PIP4P1: variants seen among roughly 807,000 people sequenced by gnomAD.
PIP4P1 encodes the protein phosphatidylinositol-4,5-bisphosphate 4-phosphatase 1, also known as type 1 phosphatidylinositol 4,5-bisphosphate 4-phosphatase.
PIP4P1 carries 14 observed loss-of-function variants against 32.3 expected under a neutral mutation model. The observed-to-expected ratio is 0.43, with a 90% CI of 0.29 to 0.68. PIP4P1 has a LOEUF of 0.68. Among genes scored for constraint, PIP4P1 ranks in the 30% least tolerant of loss-of-function variants. The pLI is 0.15. For synonymous variants in PIP4P1, 132 were observed against 137.9 expected (o/e 0.96, Z 0.30); for missense variants, 289 against 364.5 (o/e 0.79, Z 1.69).
intron 4 of PIP4P1, 91 bp from the exon 5 acceptor site, chr14:20,459,531 A>G: frequency 6.3e-7 from 1 of 1,582,600 alleles, no homozygotes; most frequent in African/African-American, 1.3e-5. Flanking sequence ...TTCCCATAGG[A>G]CAGACCTTTC....
At chr14:20,459,910 G>C in intron 3 of PIP4P1, 177 bp from the exon 4 acceptor site, 1 of 628,748 alleles carries the variant, frequency 1.6e-6, no homozygotes, top group Non-Finnish European at 2.8e-6. Flanking sequence ...CCTTGAGAAA[G>C]AAAGAGCACT....
At chr14:20,460,465 A>C (rs1215148702) in intron 2 of PIP4P1, 167 bp from the exon 3 acceptor site, 28 of 745,004 alleles carry the variant, frequency 3.8e-5, no homozygotes, top group Non-Finnish European at 5.8e-5. Flanking sequence ...CTAGGTGTAA[A>C]AGTGAGAGAA....
In PIP4P1 at chr14:20,460,829, G is replaced by A. The variant is rs748606885; in HGVS notation, c.159C>T (p.Pro53=). 2 of 1,555,110 alleles carry A rather than the reference G, an allele frequency of 1.3e-6. No homozygotes were observed. Among genetic ancestry groups the A allele is most frequent in the Non-Finnish European group, 1.7e-6 (2 of 1,154,042 alleles). The change falls in exon 2 of 7, where the codon CCC becomes CCT. Residue 53 remains proline (P), a synonymous_variant. Transcript: ENST00000250489. ...PPYGAAFPPF[P]EGHPAVLPGE... ...CAGGCAACACGGCTGGATGCCCCTC[G>A]GGAAACGGGGGAAATGCTGGAGAGG... is the stretch of plus-strand genomic sequence containing the variant.
In PIP4P1 at chr14:20,457,728, G is replaced by GT; in HGVS notation, c.*830dup. 2 of 626,582 alleles carry GT rather than the reference G, an allele frequency of 3.2e-6. No individual in the cohort carries two copies. The highest frequency in any genetic ancestry group is 2.0e-5 in the South Asian group (1 of 50,370). The allele number at this position is 626,582 out of a possible 1,614,324, so 38.8% of individuals were successfully genotyped here. On this transcript the variant is annotated 3_prime_UTR_variant, in exon 7 of 7. Transcript: ENST00000250489. ...TTGAACAAAGACTACTAATGACTTT[G>GT]TTTGAATTATCCACATGAAAATAAA... is the stretch of plus-strand genomic sequence containing the variant.
Position 20,460,813 on chromosome 14 carries a change from C to A in PIP4P1, c.175G>T (p.Val59Leu). 2 of 1,572,588 alleles carry A rather than the reference C, an allele frequency of 1.3e-6. No homozygotes were observed. Among genetic ancestry groups the A allele is most frequent in the South Asian group, 2.4e-5 (2 of 84,840 alleles). ...FPPFPEGHPA[V>L]LPGEDPPPYS... ...GGGGGTGGGTCCTCCCCAGGCAACA[C>A]GGCTGGATGCCCCTCGGGAAACGGG... is the stretch of plus-strand genomic sequence containing the variant. The change falls in exon 2 of 7, where the codon GTG becomes TTG. Residue 59 changes from valine to leucine, a missense_variant. Val to Leu is a conservative substitution (Grantham distance 32). Coordinates refer to ENST00000250489, the MANE Select transcript of PIP4P1 (RefSeq NM_144568.4).
Position 20,461,407 on chromosome 14 carries a change from C to G in PIP4P1, c.-82G>C. 3 of 1,215,660 alleles carry G rather than the reference C, an allele frequency of 2.5e-6. No homozygotes were observed. The highest frequency in any genetic ancestry group is 3.1e-6 in the Non-Finnish European group (3 of 972,958). The allele number at this position is 1,215,660 out of a possible 1,614,324, so 75.3% of individuals were successfully genotyped here. A position where few individuals can be genotyped will look rare whatever the true frequency, so the allele number is the denominator to read the frequency against. The stretch of plus-strand genomic sequence containing the variant: ...GTCGCCGCAGCCACCGCCACCGCCG[C>G]CACCGCCACCGCCGCTACCGGGTCC... On this transcript the variant is annotated 5_prime_UTR_variant, in exon 1 of 7. Coordinates refer to ENST00000250489, the MANE Select transcript of PIP4P1 (RefSeq NM_144568.4).
chr14:20,459,576 G>A (rs1019482557), intron 4 of PIP4P1, 52 bp downstream of exon 4: 51 of 1,579,876 alleles, frequency 3.2e-5, no homozygotes, highest in Non-Finnish European at 3.9e-5. Flanking sequence ...AAATATACTC[G>A]AAATGACTCT....
intron 1 of PIP4P1, 72 bp from the exon 2 acceptor site, chr14:20,460,917 CCTT>C: frequency 3.4e-6 from 5 of 1,462,054 alleles, no homozygotes; most frequent in Non-Finnish European, 4.5e-6. Context: ...GTAGGGAAGT[CCTT>C]CTGATCTTCA....
chr14:20,457,854 A>G lies in PIP4P1; in HGVS notation c.*705T>C. 1 of 383,112 alleles carries G rather than the reference A, an allele frequency of 2.6e-6. No homozygotes were observed. Among genetic ancestry groups the G allele is most frequent in the South Asian group, 2.2e-5 (1 of 45,232 alleles). The allele number at this position is 383,112 out of a possible 1,614,324, so 23.7% of individuals were successfully genotyped here. ...ATGCACACAAGTTAACAACTGAAAA[A>G]GCGTAGAGTCATGACCTTATTTATT... On this transcript the variant is annotated 3_prime_UTR_variant, in exon 7 of 7. Coordinates refer to ENST00000250489, the MANE Select transcript of PIP4P1 (RefSeq NM_144568.4).
rs752961119 is a variant in PIP4P1 at position 20,458,737 on chromosome 14, T to C, written c.691-35A>G. On this transcript the variant is annotated intron_variant, in intron 6 of 6. Coordinates refer to ENST00000250489, the MANE Select transcript of PIP4P1 (RefSeq NM_144568.4). ...ATAAGGAGGGAGAAGAAAAGAAAGA[T>C]GGGGTTAATGTTGGTCTCCACTACC... 6.9e-6 allele frequency: 11 copies of C among 1,596,152 alleles called. No homozygotes were observed. The Admixed American group carries it at 8.7e-5, about 13-fold the overall frequency.
In PIP4P1 at chr14:20,460,169, C is replaced by T. The variant is rs199942527; in HGVS notation, c.440+23G>A. On this transcript the variant is annotated intron_variant, in intron 3 of 6. Transcript: ENST00000250489. The stretch of plus-strand genomic sequence containing the variant: ...GACTTTCCAGTTCCCCACTTAGGCC[C>T]TTCCCCACCTTATGCCTCTTACCAG... 1.1e-5 allele frequency: 18 copies of T among 1,585,050 alleles called. No individual in the cohort carries two copies. The East Asian group carries it at 3.8e-4, about 33-fold the overall frequency.
rs1881524282 is a variant in PIP4P1, at chr14:20,458,198, C to G, written c.*361G>C. ...TGGTGCACAAGAGGGAGGGGAACCC[C>G]CAGGGCTACCCACCCCCACCCTGCC... On this transcript the variant is annotated 3_prime_UTR_variant, in exon 7 of 7. Coordinates refer to ENST00000250489, the MANE Select transcript of PIP4P1 (RefSeq NM_144568.4). 1 of 449,834 alleles carries G rather than the reference C, an allele frequency of 2.2e-6. No individual in the cohort carries two copies. The highest frequency in any genetic ancestry group is 2.0e-5 in the African/African-American group (1 of 50,132). 27.9% of individuals were successfully genotyped at this position (449,834 alleles called of 1,614,324 possible).
chr14:20,460,974 TATC>T, intron 1 of PIP4P1, 129 bp from the exon 2 acceptor site: 3 of 1,285,248 alleles, frequency 2.3e-6, no homozygotes, highest in Non-Finnish European at 2.1e-6. Context: ...TTGGCACTTC[TATC>T]AGGTTGCTCA....
Position 20,461,299 on chromosome 14 carries a change from C to T in PIP4P1, c.27G>A (p.Pro9=), listed in dbSNP as rs1407796389. ...CACCGTCGATGGGCTCAGACAGCAG[C>T]GGGGAACGCTCTCCATCTGCCGCCA... is the stretch of plus-strand genomic sequence containing the variant. MAADGERS[P]LLSEPIDGGA... is the part of the protein sequence containing the mutation. Residue 9 remains proline (P), a synonymous_variant, in exon 1 of 7, where the codon CCG becomes CCA. Transcript: ENST00000250489. 7.7e-7 allele frequency: 1 copy of T among 1,291,494 alleles called. No homozygotes were observed. Among genetic ancestry groups the T allele is most frequent in the Non-Finnish European group, 9.8e-7 (1 of 1,018,454 alleles). 80.0% of individuals were successfully genotyped at this position (1,291,494 alleles called of 1,614,324 possible). A position where few individuals can be genotyped will look rare whatever the true frequency, so the allele number is the denominator to read the frequency against.
intron 6 of PIP4P1, 74 bp downstream of exon 6, chr14:20,459,132 G>A (rs1200544020): frequency 6.7e-7 from 1 of 1,487,130 alleles, no homozygotes; most frequent in Non-Finnish European, 9.2e-7. Flanking sequence ...TTTTTTTTAG[G>A]GTAGCAGTTT....
Position 20,458,043 on chromosome 14 carries a change from GT to G in PIP4P1, c.*515del, listed in dbSNP as rs1314447016. The G allele has an allele frequency of 3.9e-5, 13 of 335,550 alleles. No individual in the cohort carries two copies. The highest frequency in any genetic ancestry group is 1.1e-4 in the African/African-American group (5 of 46,568). The allele number at this position is 335,550 out of a possible 1,614,324, so 20.8% of individuals were successfully genotyped here. On this transcript the variant is annotated 3_prime_UTR_variant, in exon 7 of 7. Coordinates refer to ENST00000250489, the MANE Select transcript of PIP4P1 (RefSeq NM_144568.4). Reference sequence around the variant, plus strand: ...ACATTAAATAGTTATATACACATCAGTTCCTGTGGTTCTGTACAGAGCAGCG... The same window carrying G: ...ACATTAAATAGTTATATACACATCAGTCCTGTGGTTCTGTACAGAGCAGCG...
chr14:20,460,410 A>T, intron 2 of PIP4P1, 112 bp from the exon 3 acceptor site: 1 of 854,204 alleles, frequency 1.2e-6, no homozygotes, highest in Non-Finnish European at 1.8e-6. Context: ...AGGAAGGAGA[A>T]ATAAAAGAAA....
Position 20,458,574 on chromosome 14 carries a change from G to C in PIP4P1, c.819C>G (p.Val273=), listed in dbSNP as rs1231639823. ...GTCATCAGGCTCAGGAGAAGTTCTGGACAGGGTGGCTGACCTTCATACAGG... is the reference window on the plus strand; with the variant it reads ...GTCATCAGGCTCAGGAGAAGTTCTGCACAGGGTGGCTGACCTTCATACAGG... ...YWACMKVSHP[V]QNFS is the part of the protein sequence containing the mutation. The change falls in exon 7 of 7, where the codon GTC becomes GTG. Residue 273 remains valine, a synonymous_variant. Coordinates refer to ENST00000250489, the MANE Select transcript of PIP4P1 (RefSeq NM_144568.4). 1 of 1,613,800 alleles carries C rather than the reference G, an allele frequency of 6.2e-7. No individual in the cohort carries two copies. Among genetic ancestry groups the C allele is most frequent in the African/African-American group, 1.3e-5 (1 of 74,900 alleles).
At position 20,458,386 on chromosome 14, in the gene PIP4P1, C is replaced by T. The variant is rs755801030; in HGVS notation, c.*173G>A. ...GATGGTCAGCAGTGCTCTTATCTGC[C>T]CCTCCAAACCTAAGTGAGGGCCTGG... On this transcript the variant is annotated 3_prime_UTR_variant, in exon 7 of 7. Coordinates refer to ENST00000250489, the MANE Select transcript of PIP4P1 (RefSeq NM_144568.4). 38 of 896,370 alleles carry T rather than the reference C, an allele frequency of 4.2e-5. No homozygotes were observed. The highest frequency in any genetic ancestry group is 1.6e-4 in the Admixed American group (8 of 50,192). 55.5% of individuals were successfully genotyped at this position (896,370 alleles called of 1,614,324 possible).
Sources: allele counts gnomAD v4.1 joint callset, GRCh38; gene constraint gnomAD v4.1.1; transcripts MANE v1.5; gene names NCBI Gene and HGNC (gene_info 2026-07-23, HGNC 2026-07-21).